Variants in AK5 observed in about 807,000 individuals in gnomAD.
AK5 encodes adenylate kinase 5.
AK5 carries 27 observed loss-of-function variants against 69.5 expected under a neutral mutation model. The ratio of observed to expected loss-of-function variants is 0.39; its 90% CI spans 0.29 to 0.54. The LOEUF (loss-of-function observed/expected upper bound fraction) is 0.54. Among genes scored for constraint, AK5 ranks in the 20% least tolerant of loss-of-function variants. The pLI is 0.71. For missense variants in AK5, 531 were observed against 700.4 expected, an observed-to-expected ratio of 0.76 and a Z score of 2.73; for synonymous variants, 260 against 244.4, an observed-to-expected ratio of 1.06 and a Z score of -0.60.
intron 8 of AK5, among the ~76,000 whole-genome samples, chr1:77,425,558 G>T (rs1651147388): frequency 6.6e-6 from 1 of 152,110 alleles, no homozygotes; most frequent in South Asian, 2.1e-4. Flanking sequence ...CTGCACTCCG[G>T]CCTGGGTGAT....
In AK5 at chr1:77,504,015, A is replaced by C. The variant is rs541471581; in HGVS notation, c.1148-14549A>C. On this transcript the variant is annotated intron_variant, in intron 10 of 13. Transcript: ENST00000354567. The stretch of plus-strand genomic sequence containing the variant: ...CCTGCCGATTCAAATATTTGAAGAC[A>C]TATACACTTTTCTTGTGATTTATGT... Among the ~76,000 whole-genome samples the C allele has an allele frequency of 3.7e-3, 571 of 152,330 alleles. 2 individuals are homozygous for C. The highest frequency in any genetic ancestry group is 0.013 in the African/African-American group (558 of 41,572).
intron 5 of AK5, among the ~76,000 whole-genome samples, chr1:77,311,559 A>G (rs989672881): frequency 1.3e-5 from 2 of 152,164 alleles, no homozygotes; most frequent in Admixed American, 6.5e-5. Flanking sequence ...TTTGTGGCTC[A>G]TGGTAAACAC....
intron 6 of AK5, chr1:77,349,326 A>C (rs939780354): frequency 6.6e-6 from 1 of 152,214 alleles, no homozygotes; most frequent in Non-Finnish European, 1.5e-5. Flanking sequence ...AATGTTTCAC[A>C]TACGATAACT....
At chr1:77,392,766 T>TG (rs1648571541) in intron 6 of AK5, among the ~76,000 whole-genome samples, 1 of 150,392 alleles carries the variant, frequency 6.6e-6, no homozygotes, top group East Asian at 2.0e-4. Flanking sequence ...GAATGATTGC[T>TG]GGGTTTTTTT....
At chr1:77,520,696 C>T (rs1415516525) in intron 11 of AK5, among the ~76,000 whole-genome samples, 1 of 152,244 alleles carries the variant, frequency 6.6e-6, no homozygotes, top group Non-Finnish European at 1.5e-5. Context: ...ACACCTCTAG[C>T]ATTCTGTACC....
intron 10 of AK5, 140 bp downstream of exon 10, chr1:77,486,492 G>A (rs748734101): frequency 2.9e-4 from 149 of 519,100 alleles, no homozygotes; most frequent in Non-Finnish European, 4.2e-4. Context: ...TCAGGAGATC[G>A]AGACCATCCT....
At position 77,530,262 on chromosome 1, in the gene AK5, C is replaced by A. The variant is rs143578666; in HGVS notation, c.1429-5585C>A. On this transcript the variant is annotated intron_variant, in intron 12 of 13. Coordinates refer to ENST00000354567, the MANE Select transcript of AK5 (RefSeq NM_174858.3). ...CGGTTCACTGCAGAACTTAGAGCTG[C>A]GTAATGGTGTGTGGGGGGAGAAGTT... Among the ~76,000 whole-genome samples, 824 of 152,218 alleles carry A rather than the reference C, an allele frequency of 5.4e-3. 9 individuals are homozygous for A. Among genetic ancestry groups the A allele is most frequent in the African/African-American group, 0.018 (761 of 41,508 alleles).
chr1:77,433,537 T>C (rs1301097803), intron 8 of AK5, among the ~76,000 whole-genome samples: 1 of 149,478 alleles, frequency 6.7e-6, no homozygotes, highest in African/African-American at 2.5e-5. Context: ...TCCACTTGTA[T>C]CCCATAATAA....
chr1:77,304,353 T>A (rs1659515367), intron 5 of AK5, among the ~76,000 whole-genome samples: 1 of 152,174 alleles, frequency 6.6e-6, no homozygotes, highest in East Asian at 1.9e-4. Context: ...GATCTCATTC[T>A]TTTTTATGGC....
Position 77,354,271 on chromosome 1 carries a change from T to C in AK5, c.891+13703T>C, listed in dbSNP as rs1662376349. The stretch of plus-strand genomic sequence containing the variant: ...TAATTTAGCTTAGTATAAAATAATC[T>C]ACAAATATATTCATTCATCAATTTC... On this transcript the variant is annotated intron_variant, in intron 6 of 13. Coordinates refer to ENST00000354567, the MANE Select transcript of AK5 (RefSeq NM_174858.3). Among the ~76,000 whole-genome samples the C allele has an allele frequency of 2.0e-5, 3 of 152,220 alleles. No individual in the cohort carries two copies. The South Asian group carries it at 6.2e-4, about 31-fold the overall frequency.
chr1:77,475,304 G>T (rs1328641182), intron 8 of AK5, among the ~76,000 whole-genome samples: 1 of 140,014 alleles, frequency 7.1e-6, no homozygotes, highest in Non-Finnish European at 1.5e-5. Context: ...TGGGGAGGTA[G>T]AAGGGGCAGA....
rs1553139681 is a variant in AK5, at chr1:77,367,567, A to ATATGT, written c.891+27002_891+27003insGTTAT. On this transcript the variant is annotated intron_variant, in intron 6 of 13. Coordinates refer to ENST00000354567, the MANE Select transcript of AK5 (RefSeq NM_174858.3). ...TCATTTATGTTATTTTTATATATAT[A>ATATGT]TATATATATATAATATATATGTTAT... is the stretch of plus-strand genomic sequence containing the variant. Among the ~76,000 whole-genome samples the ATATGT allele has an allele frequency of 8.9e-3, 78 of 8,760 alleles. 8 individuals carry two copies. The highest frequency in any genetic ancestry group is 0.015 in the African/African-American group (76 of 4,904). 5.7% of individuals were successfully genotyped at this position (8,760 alleles called of 152,430 possible).
intron 12 of AK5, among the ~76,000 whole-genome samples, chr1:77,530,444 G>A (rs1250138526): frequency 6.6e-6 from 1 of 152,200 alleles, no homozygotes; most frequent in Non-Finnish European, 1.5e-5. Flanking sequence ...TTCAGCCAGG[G>A]CCCTTTCCTG....
chr1:77,356,834 G>A (rs4949653), intron 6 of AK5, among the ~76,000 whole-genome samples: 20,204 of 152,150 alleles, frequency 0.13, 1,524 homozygotes, highest in South Asian at 0.27. Flanking sequence ...TAATCCAGTG[G>A]TATTTTTAAA....
At chr1:77,411,219 T>G in intron 7 of AK5, 148 bp downstream of exon 7, 1 of 660,502 alleles carries the variant, frequency 1.5e-6, no homozygotes, top group Non-Finnish European at 2.5e-6. Context: ...AATAAAAGTA[T>G]AAAACAAAGT....
intron 7 of AK5, among the ~76,000 whole-genome samples, chr1:77,413,360 C>T (rs1025202652): frequency 5.9e-5 from 9 of 152,250 alleles, no homozygotes; most frequent in South Asian, 4.2e-4. Context: ...TCAGAGTAAA[C>T]GTGGTGATTT....
At chr1:77,476,907 T>TTAAG (rs945115135) in intron 8 of AK5, among the ~76,000 whole-genome samples, 11 of 147,978 alleles carry the variant, frequency 7.4e-5, no homozygotes, top group African/African-American at 2.7e-4. Flanking sequence ...GCTGTTTTTT[T>TTAAG]AAAAAAAAAA....
intron 5 of AK5, among the ~76,000 whole-genome samples, chr1:77,324,183 A>C (rs888690112): frequency 6.6e-6 from 1 of 152,196 alleles, no homozygotes; most frequent in Admixed American, 6.5e-5. Flanking sequence ...GAAAATGCCG[A>C]ACATTAAGAA....
intron 13 of AK5, among the ~76,000 whole-genome samples, chr1:77,545,988 ACT>A (rs1321277085): frequency 6.6e-6 from 1 of 151,898 alleles, no homozygotes; most frequent in Non-Finnish European, 1.5e-5. Context: ...TTTCTTTATG[ACT>A]CTGCTTAAAA....
Sources: allele counts gnomAD v4.1 joint callset (sites outside exome capture counted in the v4.1 genomes callset), GRCh38; gene constraint gnomAD v4.1.1; transcripts MANE v1.5; gene names NCBI Gene and HGNC (gene_info 2026-07-23, HGNC 2026-07-21).